TPST1: variants seen among roughly 807,000 people sequenced by gnomAD.
TPST1 encodes tyrosylprotein sulfotransferase 1, also known as protein-tyrosine sulfotransferase 1.
TPST1 carries 20 observed loss-of-function variants against 34.8 expected under a neutral mutation model. The ratio of observed to expected loss-of-function variants is 0.57; its 90% CI spans 0.40 to 0.84. The LOEUF (loss-of-function observed/expected upper bound fraction) is 0.84. Among genes scored for constraint, TPST1 ranks in the 40% least tolerant of loss-of-function variants. The pLI, the probability that TPST1 is intolerant of heterozygous loss-of-function variation, is 0.00. For missense variants in TPST1, 353 were observed against 455.5 expected (o/e 0.78, Z 2.05); for synonymous variants, 152 against 159.4 (o/e 0.95, Z 0.35).
In TPST1 at chr7:66,240,728, C is replaced by T; in HGVS notation, c.303C>T (p.Thr101=). 6.2e-7 allele frequency: 1 copy of T among 1,614,166 alleles called. No homozygotes were observed. The highest frequency in any genetic ancestry group is 1.1e-5 in the South Asian group (1 of 91,074). Reference sequence around the variant, plus strand: ...CTGACATTCGCTGTGGAGAGGAAACCAGGGTCATTCCCCGAATCCTGGCCC... The same window carrying T: ...CTGACATTCGCTGTGGAGAGGAAACTAGGGTCATTCCCCGAATCCTGGCCC... ...AHPDIRCGEE[T]RVIPRILALK... The change falls in exon 2 of 6, where the codon ACC becomes ACT. Residue 101 remains threonine, a synonymous_variant. Coordinates refer to ENST00000304842, the MANE Select transcript of TPST1 (RefSeq NM_003596.4).
chr7:66,237,810 G>A (rs140327740), intron 1 of TPST1, among the ~76,000 whole-genome samples: 2 of 152,246 alleles, frequency 1.3e-5, no homozygotes, highest in East Asian at 3.9e-4. Flanking sequence ...AATTCACAGG[G>A]CAGTTGGGCA....
intron 5 of TPST1, 24 bp from the exon 6 acceptor site, chr7:66,359,871 C>T (rs567678485): frequency 4.4e-6 from 2 of 456,718 alleles, no homozygotes; most frequent in South Asian, 3.1e-5. Flanking sequence ...ACACCTGTAA[C>T]CACATTCTGT....
intron 2 of TPST1, among the ~76,000 whole-genome samples, chr7:66,282,126 A>G (rs1346717916): frequency 1.3e-5 from 2 of 152,208 alleles, no homozygotes; most frequent in Admixed American, 6.5e-5. Flanking sequence ...ATACCGTAGT[A>G]TGCTTTAGAT....
At chr7:66,268,928 C>CT (rs1422070581) in intron 2 of TPST1, among the ~76,000 whole-genome samples, 1 of 152,232 alleles carries the variant, frequency 6.6e-6, no homozygotes, top group Admixed American at 6.5e-5. Context: ...GGTGATCCGC[C>CT]TGCCTTGGCC....
Position 66,324,794 on chromosome 7 carries a change from C to CT in TPST1, c.1045-27710dup, listed in dbSNP as rs1267096375. On this transcript the variant is annotated intron_variant, in intron 3 of 5. Coordinates refer to ENST00000304842, the MANE Select transcript of TPST1 (RefSeq NM_003596.4). ...CCAGCCTGGGTGACAGAGTAAGACTCTGTCTCAAAAAAAAAAAAAAAAAAA... is the reference window on the plus strand; with the variant it reads ...CCAGCCTGGGTGACAGAGTAAGACTCTTGTCTCAAAAAAAAAAAAAAAAAAA... 3.4e-5 allele frequency among the ~76,000 whole-genome samples: 3 copies of CT among 88,904 alleles called. No individual in the cohort carries two copies. In the South Asian group the frequency reaches 1.5e-3, roughly 44 times the overall value. 58.3% of individuals were successfully genotyped at this position (88,904 alleles called of 152,430 possible).
At chr7:66,346,625 T>G (rs1792357624) in intron 3 of TPST1, among the ~76,000 whole-genome samples, 1 of 152,254 alleles carries the variant, frequency 6.6e-6, no homozygotes, top group Non-Finnish European at 1.5e-5. Context: ...GCCATTTGTA[T>G]GTCTACTTTG....
At chr7:66,262,225 T>C (rs532203180) in intron 2 of TPST1, among the ~76,000 whole-genome samples, 8 of 152,340 alleles carry the variant, frequency 5.3e-5, no homozygotes, top group African/African-American at 1.9e-4. Flanking sequence ...CTTTAAGCCC[T>C]GGACCTGGGC....
intron 3 of TPST1, among the ~76,000 whole-genome samples, chr7:66,293,857 A>C (rs955400434): frequency 6.6e-6 from 1 of 152,218 alleles, no homozygotes; most frequent in South Asian, 2.1e-4. Context: ...ATTAAGAGAA[A>C]GTTGCTATTA....
In TPST1 at chr7:66,296,255, C is replaced by CG. The variant is rs1562832639; in HGVS notation, c.1044+9546_1044+9547insG. 3.1e-4 allele frequency among the ~76,000 whole-genome samples: 12 copies of CG among 38,940 alleles called. 1 individual carries two copies. The highest frequency in any genetic ancestry group is 9.1e-4 in the African/African-American group (6 of 6,612). 25.5% of individuals were successfully genotyped at this position (38,940 alleles called of 152,430 possible). A position where few individuals can be genotyped will look rare whatever the true frequency, so the allele number is the denominator to read the frequency against. ...TAAAAAACACCCACCCTTCCCCCCC[C>CG]CCTCCCCCACCGTCTCTGCCTATCT... On this transcript the variant is annotated intron_variant, in intron 3 of 5. Coordinates refer to ENST00000304842, the MANE Select transcript of TPST1 (RefSeq NM_003596.4).
At chr7:66,239,414 A>G (rs902022666) in intron 1 of TPST1, among the ~76,000 whole-genome samples, 4 of 152,144 alleles carry the variant, frequency 2.6e-5, no homozygotes, top group Non-Finnish European at 2.9e-5. Flanking sequence ...TTGTTTACAT[A>G]TCTGTCTGTC....
At position 66,323,444 on chromosome 7, in the gene TPST1, A is replaced by C. The variant is rs118169573; in HGVS notation, c.1045-29061A>C. 1.1e-4 allele frequency among the ~76,000 whole-genome samples: 17 copies of C among 152,170 alleles called. No individual in the cohort carries two copies. The South Asian group carries it at 3.3e-3, about 30-fold the overall frequency. The stretch of plus-strand genomic sequence containing the variant: ...TATGAAGTGATGTTGAGTTTTGCCC[A>C]GTGTTTTTTTCTGTGTGTATTGAGA... On this transcript the variant is annotated intron_variant, in intron 3 of 5. Coordinates refer to ENST00000304842, the MANE Select transcript of TPST1 (RefSeq NM_003596.4).
At chr7:66,218,045 A>G (rs1789462010) in intron 1 of TPST1, among the ~76,000 whole-genome samples, 1 of 151,722 alleles carries the variant, frequency 6.6e-6, no homozygotes, top group Non-Finnish European at 1.5e-5. Flanking sequence ...ATGCCCAGAT[A>G]ATTTTTGTGT....
chr7:66,208,132 AAAAATTC>A (rs1789170070), intron 1 of TPST1, among the ~76,000 whole-genome samples: 2 of 152,176 alleles, frequency 1.3e-5, no homozygotes, highest in African/African-American at 2.4e-5. Context: ...TGTTTTCTTT[AAAAATTC>A]TCATCAGCTC....
At chr7:66,356,581 T>C (rs982369053) in intron 4 of TPST1, among the ~76,000 whole-genome samples, 9 of 152,106 alleles carry the variant, frequency 5.9e-5, no homozygotes, top group African/African-American at 2.2e-4. Context: ...CCAGATGTGA[T>C]CCAAGGGCAT....
At chr7:66,262,634 T>C (rs1024393519) in intron 2 of TPST1, among the ~76,000 whole-genome samples, 4 of 152,168 alleles carry the variant, frequency 2.6e-5, no homozygotes, top group Non-Finnish European at 4.4e-5. Context: ...GTGTCACTGC[T>C]GCTTCCTTCC....
chr7:66,335,048 G>A (rs946243482), intron 3 of TPST1, among the ~76,000 whole-genome samples: 18 of 152,152 alleles, frequency 1.2e-4, no homozygotes, highest in Non-Finnish European at 4.4e-5. Flanking sequence ...TGACAAGGAT[G>A]GCCAGTGTCT....
chr7:66,199,297 T>TTTTC, the TPST1 span, among the ~76,000 whole-genome samples: 1 of 146,784 alleles, frequency 6.8e-6, no homozygotes, highest in African/African-American at 2.5e-5. Context: ...TCTCCTTCTT[T>TTTTC]TTTTTTTTTT....
chr7:66,249,212 CT>C (rs766100178), intron 2 of TPST1, among the ~76,000 whole-genome samples: 2,681 of 143,364 alleles, frequency 0.019, 48 homozygotes, highest in African/African-American at 0.048. Context: ...TAAAAAAATT[CT>C]TTTTTTTTTT....
chr7:66,319,475 A>C (rs1407741696), intron 3 of TPST1, among the ~76,000 whole-genome samples: 1 of 152,172 alleles, frequency 6.6e-6, no homozygotes, highest in African/African-American at 2.4e-5. Context: ...TCAGCAGTTG[A>C]ACTCCTAGGT....
Sources: gnomAD v4.1 joint callset for allele counts (sites outside exome capture counted in the v4.1 genomes callset) on GRCh38, gnomAD v4.1.1 for gene constraint, MANE v1.5 for transcripts, NCBI Gene and HGNC (gene_info 2026-07-23, HGNC 2026-07-21) for gene names.